Variants in ANXA4 observed in about 807,000 individuals in gnomAD.
ANXA4 encodes the protein annexin A4.
ANXA4 carries 39 observed loss-of-function variants against 49.8 expected under a neutral mutation model. The ratio of observed to expected loss-of-function variants is 0.78; its 90% CI spans 0.61 to 1.02. The LOEUF (loss-of-function observed/expected upper bound fraction) is 1.02. ANXA4 is among the 50% of genes least tolerant of loss of function. ANXA4 has a pLI of 0.00. For missense variants in ANXA4, 360 were observed against 410.1 expected, an observed-to-expected ratio of 0.88 and a Z score of 1.05; for synonymous variants, 134 against 152.5, an observed-to-expected ratio of 0.88 and a Z score of 0.89.
At chr2:69,768,529 G>T (rs184474665) in intron 1 of ANXA4, among the ~76,000 whole-genome samples, 26 of 152,314 alleles carry the variant, frequency 1.7e-4, no homozygotes, top group African/African-American at 5.8e-4. Context: ...ACAAGGCATA[G>T]GGGATCATAT....
Position 69,810,682 on chromosome 2 carries a change from C to G in ANXA4, c.477+9C>G, listed in dbSNP as rs543077641. On this transcript the variant is annotated intron_variant, in intron 7 of 12. Coordinates refer to ENST00000394295, the MANE Select transcript of ANXA4 (RefSeq NM_001153.5). ...TGGTGTCTCTGTCAGCTGTGAGTGA[C>G]TGCTTCTGATGGGGGGCGGGTTTTA... 1.4e-5 allele frequency: 23 copies of G among 1,611,944 alleles called. No individual in the cohort carries two copies. In the African/African-American group the frequency reaches 2.5e-4, roughly 18 times the overall value.
chr2:69,679,193 G>A (rs1188568041), intron 2 of ANXA4, among the ~76,000 whole-genome samples: 2 of 152,152 alleles, frequency 1.3e-5, no homozygotes, highest in East Asian at 1.9e-4. Context: ...CTGTGGCACA[G>A]TGGCATGATC....
At chr2:69,708,205 C>T (rs1423499585) in intron 2 of ANXA4, among the ~76,000 whole-genome samples, 1 of 152,174 alleles carries the variant, frequency 6.6e-6, no homozygotes, top group Non-Finnish European at 1.5e-5. Flanking sequence ...GGAGCTGAGT[C>T]CCACTTGGGC....
chr2:69,819,447 A>G, intron 11 of ANXA4, 109 bp downstream of exon 11: 1 of 727,122 alleles, frequency 1.4e-6, no homozygotes, highest in Non-Finnish European at 2.3e-6. Flanking sequence ...GATCCAATTC[A>G]ATTCATCAAA....
rs550405867 is a variant in ANXA4 at position 69,735,061 on chromosome 2, G to T, written n.864+14190G>T. 1.1e-4 allele frequency among the ~76,000 whole-genome samples: 17 copies of T among 152,284 alleles called. No individual in the cohort carries two copies. The South Asian group carries it at 3.1e-3, about 28-fold the overall frequency. On this transcript the variant is annotated intron_variant and non_coding_transcript_variant, in intron 3 of 3. Transcript: ENST00000418066. ...ATACTGGGGAATTGTAACAGTGAAA[G>T]AAATCTAACATAGCTGACTCCATCT...
chr2:69,647,511 C>T (rs1328483382), intron 1 of ANXA4, among the ~76,000 whole-genome samples: 3 of 151,862 alleles, frequency 2.0e-5, no homozygotes, highest in Non-Finnish European at 4.4e-5. Flanking sequence ...CAGGCTCCAG[C>T]GATTCTTGTG....
chr2:69,784,822 A>G (rs1672347473), intron 2 of ANXA4, among the ~76,000 whole-genome samples: 1 of 152,164 alleles, frequency 6.6e-6, no homozygotes, highest in Non-Finnish European at 1.5e-5. Flanking sequence ...TTGCTGCTGC[A>G]TAACTTCCAT....
At chr2:69,757,357 G>A (rs539637735) in intron 1 of ANXA4, among the ~76,000 whole-genome samples, 9 of 137,668 alleles carry the variant, frequency 6.5e-5, no homozygotes, top group African/African-American at 2.4e-4. Context: ...TGCAAGCTCT[G>A]CCTCCCGGGT....
At chr2:69,781,486 C>A in intron 1 of ANXA4, 34 bp from the exon 2 acceptor site, 1 of 1,533,510 alleles carries the variant, frequency 6.5e-7, no homozygotes, top group Non-Finnish European at 9.0e-7. Flanking sequence ...CCATTTCCTT[C>A]ATCACAGTAA....
chr2:69,751,005 A>G (rs560204152), intron 1 of ANXA4, among the ~76,000 whole-genome samples: 6 of 152,190 alleles, frequency 3.9e-5, no homozygotes, highest in East Asian at 1.9e-4. Flanking sequence ...AGTGTCTTCT[A>G]TGATCCTGAC....
intron 1 of ANXA4, among the ~76,000 whole-genome samples, chr2:69,749,667 G>C (rs1670757433): frequency 6.6e-6 from 1 of 152,062 alleles, no homozygotes; most frequent in Non-Finnish European, 1.5e-5. Flanking sequence ...TCTCACACCT[G>C]TAATCCCAGC....
At chr2:69,704,762 T>C (rs1341974081) in intron 2 of ANXA4, among the ~76,000 whole-genome samples, 1 of 152,210 alleles carries the variant, frequency 6.6e-6, no homozygotes, top group Non-Finnish European at 1.5e-5. Context: ...GAGCTCATAG[T>C]GTGAAGAAAT....
chr2:69,789,644 G>A (rs1279000744), intron 3 of ANXA4, among the ~76,000 whole-genome samples: 1 of 151,980 alleles, frequency 6.6e-6, no homozygotes, highest in Non-Finnish European at 1.5e-5. Flanking sequence ...AAATTGTCAG[G>A]GTTTTTATAA....
intron 3 of ANXA4, among the ~76,000 whole-genome samples, chr2:69,800,535 T>C (rs1344434078): frequency 6.6e-6 from 1 of 152,208 alleles, no homozygotes; most frequent in Non-Finnish European, 1.5e-5. Flanking sequence ...TAATTCATAA[T>C]ATAACAGTGA....
upstream of ANXA4, chr2:69,643,899 C>CGAGAAGAGGACTGG: frequency 1.7e-6 from 2 of 1,166,820 alleles, no homozygotes; most frequent in Non-Finnish European, 1.1e-6. Context: ...GAGTCGACCG[C>CGAGAAGAGGACTGG]GAGAAGAGGA....
At chr2:69,758,249 G>A (rs1671141013) in intron 1 of ANXA4, among the ~76,000 whole-genome samples, 2 of 152,180 alleles carry the variant, frequency 1.3e-5, no homozygotes, top group South Asian at 4.1e-4. Context: ...CTGGCCTCAA[G>A]TGATCTGCCC....
At chr2:69,643,850 C>A (rs954058666), upstream of ANXA4, 7 of 1,180,490 alleles carry the variant, frequency 5.9e-6, no homozygotes, top group African/African-American at 8.0e-5. Context: ...GGACCGGGGC[C>A]TCTCCTGCAA....
intron 2 of ANXA4, among the ~76,000 whole-genome samples, chr2:69,782,609 C>T (rs1672246438): frequency 1.3e-5 from 2 of 152,200 alleles, no homozygotes; most frequent in Non-Finnish European, 2.9e-5. Context: ...CCCACCTTGG[C>T]CTCCCAAAGT....
At chr2:69,800,168 C>T (rs1186547393) in intron 3 of ANXA4, among the ~76,000 whole-genome samples, 1 of 152,360 alleles carries the variant, frequency 6.6e-6, no homozygotes, top group Admixed American at 6.5e-5. Context: ...GTTCAAGCCA[C>T]TGTTCTATGC....
Sources: allele counts gnomAD v4.1 joint callset (sites outside exome capture counted in the v4.1 genomes callset), GRCh38; gene constraint gnomAD v4.1.1; transcripts MANE v1.5; gene names NCBI Gene and HGNC (gene_info 2026-07-23, HGNC 2026-07-21).